Variants in COL6A2 observed in about 807,000 individuals in gnomAD.
COL6A2 encodes collagen type VI alpha 2 chain.
COL6A2 carries 90 observed loss-of-function variants against 124.9 expected under a neutral mutation model. The ratio of observed to expected loss-of-function variants is 0.72; its 90% CI spans 0.61 to 0.86. COL6A2 has a LOEUF of 0.86. COL6A2 is among the 40% of genes least tolerant of loss of function. The pLI, the probability that COL6A2 is intolerant of heterozygous loss-of-function variation, is 0.00. For synonymous variants in COL6A2, 793 were observed against 618.2 expected (o/e 1.28, Z -4.19); for missense variants, 1,607 against 1,502.5 (o/e 1.07, Z -1.15).
At chr21:46,102,683 G>A (rs138160696) in intron 1 of COL6A2, among the ~76,000 whole-genome samples, 265 of 147,446 alleles carry the variant, frequency 1.8e-3, no homozygotes, top group African/African-American at 6.2e-3. Flanking sequence ...CCTTCATTCT[G>A]TTAATGTGTA....
Position 46,122,122 on chromosome 21 carries a change from G to C in COL6A2, c.1536G>C (p.Arg512Ser), listed in dbSNP as rs1489181069. 5 of 1,612,666 alleles carry C rather than the reference G, an allele frequency of 3.1e-6. No homozygotes were observed. The highest frequency in any genetic ancestry group is 1.6e-4 in the Middle Eastern group (1 of 6,084). The change falls in exon 19 of 28, where the codon AGG becomes AGC. Residue 512 changes from arginine (R) to serine (S), a missense_variant. This residue lies in a region of COL6A2 where 1,223 missense variants were observed against 1,052.2 expected (regional missense o/e 1.16). Transcript: ENST00000300527. ...GQPGPKGDPG[R>S]PGFSYPGPRG... ...TCCTCCTCCAGGGAGACCCCGGCAG[G>C]CCTGGATTCAGCTACCCAGGACCCC... is the stretch of plus-strand genomic sequence containing the variant.
intron 5 of COL6A2, 75 bp downstream of exon 5, chr21:46,114,148 C>T (rs571310657): frequency 3.1e-5 from 41 of 1,309,510 alleles, no homozygotes; most frequent in African/African-American, 1.6e-4. Context: ...CACACTTGGC[C>T]GGGCGTGGTG....
chr21:46,117,836 C>A, intron 11 of COL6A2, 38 bp from the exon 12 acceptor site: 5 of 1,588,828 alleles, frequency 3.1e-6, no homozygotes, highest in Admixed American at 1.8e-5. Context: ...GAACCCCACC[C>A]GCCGTGTGCC....
intron 21 of COL6A2, 65 bp from the exon 22 acceptor site, chr21:46,124,586 G>A: frequency 2.7e-6 from 4 of 1,501,626 alleles, no homozygotes; most frequent in South Asian, 2.3e-5. Context: ...AGCACAGGGG[G>A]CCCTGCTGTG....
intron 12 of COL6A2, among the ~76,000 whole-genome samples, chr21:46,118,200 C>T (rs1453244460): frequency 6.6e-6 from 1 of 152,128 alleles, no homozygotes; most frequent in African/African-American, 2.4e-5. Context: ...CAGGGAGCCC[C>T]ACCCACACCT....
intron 27 of COL6A2, chr21:46,129,070 C>T (rs966014866): frequency 6.3e-6 from 10 of 1,599,652 alleles, no homozygotes; most frequent in Non-Finnish European, 7.6e-6. Flanking sequence ...ACCTGCATTT[C>T]CTCTACCGAC....
intron 27 of COL6A2, among the ~76,000 whole-genome samples, chr21:46,126,803 A>G (rs867822541): frequency 1.3e-5 from 2 of 152,156 alleles, no homozygotes; most frequent in Non-Finnish European, 2.9e-5. Flanking sequence ...TGTGCTCGGC[A>G]TGTGGCCACT....
chr21:46,104,710 T>G (rs1403489266), intron 1 of COL6A2, among the ~76,000 whole-genome samples: 1 of 152,070 alleles, frequency 6.6e-6, no homozygotes, highest in African/African-American at 2.4e-5. Flanking sequence ...CAGGATGAAC[T>G]CAAAGAGACC....
intron 21 of COL6A2, among the ~76,000 whole-genome samples, chr21:46,124,446 C>T (rs1213987586): frequency 2.0e-5 from 3 of 152,082 alleles, no homozygotes; most frequent in Non-Finnish European, 4.4e-5. Context: ...GTGGGCCAGG[C>T]TCTGACGGTG....
chr21:46,123,372 T>C (rs10854478), intron 21 of COL6A2, among the ~76,000 whole-genome samples: 121,622 of 150,554 alleles, frequency 0.81, 49,266 homozygotes, highest in East Asian at 0.88. Context: ...CCCCAAGGGT[T>C]CCCTCCCCAA....
intron 25 of COL6A2, 62 bp from the exon 26 acceptor site, chr21:46,125,723 A>G (rs1000645836): frequency 3.8e-5 from 61 of 1,600,602 alleles, no homozygotes; most frequent in Non-Finnish European, 4.7e-5. Flanking sequence ...GGGCCTCTGC[A>G]TGGCTGGGGA....
At chr21:46,129,291 C>A in intron 27 of COL6A2, 1 of 1,612,974 alleles carries the variant, frequency 6.2e-7, no homozygotes, top group South Asian at 1.1e-5. Flanking sequence ...CCTGATCCAA[C>A]AGTTGCTAAA....
intron 1 of COL6A2, among the ~76,000 whole-genome samples, chr21:46,100,918 G>T (rs1232614685): frequency 6.6e-6 from 1 of 152,210 alleles, no homozygotes; most frequent in African/African-American, 2.4e-5. Flanking sequence ...TATGTTCCCA[G>T]AAGTGGAAAT....
In COL6A2 at chr21:46,128,864, C is replaced by T. The variant is rs200968911; in HGVS notation, c.2461+2323C>T. ...TCTTCCTGGCGACGGGCCTGCGGCA[C>T]TGGAAGCCCTACTGGAGTTTGGCCT... On this transcript the variant is annotated intron_variant, in intron 27 of 27. Coordinates refer to ENST00000300527, the MANE Select transcript of COL6A2 (RefSeq NM_001849.4). 525 of 1,564,490 alleles carry T rather than the reference C, an allele frequency of 3.4e-4. 1 individual carries two copies. In the African/African-American group the frequency reaches 6.6e-3, roughly 20 times the overall value.
chr21:46,132,280 C>T lies in COL6A2; in HGVS notation c.2788C>T (p.Arg930Cys), dbSNP rs886057168. Reference protein sequence around the residue: ...GVVHAINAIVRSPRGGARRHA... With the variant: ...GVVHAINAIVCSPRGGARRHA... ...GGTGCACGCCATCAATGCCATCGTG[C>T]GCAGCCCGCGTGGCGGGGCCCGGAG... Residue 930 changes from arginine to cysteine, a missense_variant, in exon 28 of 28, where the codon CGC becomes TGC. Coordinates refer to ENST00000300527, the MANE Select transcript of COL6A2 (RefSeq NM_001849.4). 1.5e-5 allele frequency: 24 copies of T among 1,606,402 alleles called. No homozygotes were observed. The highest frequency in any genetic ancestry group is 2.7e-5 in the African/African-American group (2 of 74,872).
intron 21 of COL6A2, 105 bp from the exon 22 acceptor site, chr21:46,124,546 C>CT: frequency 9.9e-7 from 1 of 1,007,838 alleles, no homozygotes; most frequent in East Asian, 2.4e-5. Context: ...AGCCCCCCCC[C>CT]CCGCCAAGGG....
rs73382444 is a variant in COL6A2, at chr21:46,117,545, G to A, written c.1053+92G>A. ...GGGTAGTTGCTGCTGCAGTGGGAGC[G>A]TGGGTTCTCCCGGCAGCCCAGCAGC... On this transcript the variant is annotated intron_variant, in intron 11 of 27. Transcript: ENST00000300527. 2,650 of 1,307,128 alleles carry A rather than the reference G, an allele frequency of 2.0e-3. 35 individuals carry two copies. In the African/African-American group the frequency reaches 0.031, roughly 15 times the overall value. 81.0% of individuals were successfully genotyped at this position (1,307,128 alleles called of 1,614,324 possible).
intron 1 of COL6A2, among the ~76,000 whole-genome samples, chr21:46,100,278 C>T (rs907507681): frequency 5.9e-5 from 9 of 151,954 alleles, no homozygotes; most frequent in Admixed American, 2.0e-4. Context: ...TTTTAAGAGA[C>T]GGGGTCTCAC....
intron 27 of COL6A2, 97 bp from the exon 28 acceptor site, chr21:46,131,857 G>A (rs1481993437): frequency 1.7e-6 from 2 of 1,171,830 alleles, no homozygotes; most frequent in South Asian, 1.3e-5. Context: ...TGAGGTTGCA[G>A]GCAGGGTGCG....
Sources: allele counts gnomAD v4.1 joint callset (sites outside exome capture counted in the v4.1 genomes callset), GRCh38; gene constraint gnomAD v4.1.1; regional missense constraint gnomAD v4.1.1; transcripts MANE v1.5; gene names NCBI Gene and HGNC (gene_info 2026-07-23, HGNC 2026-07-21).